The following FBXO42 variants were observed in gnomAD, a reference collection of about 807,000 sequenced individuals.
The protein encoded by FBXO42 is F-box protein 42.
Under a neutral mutation model 71.7 loss-of-function variants are expected in FBXO42, and 12 were observed. The observed-to-expected ratio is 0.17, with a 90% CI of 0.11 to 0.27. FBXO42 has a LOEUF of 0.27. Ranked by LOEUF, FBXO42 falls within the 10% of genes least tolerant of loss-of-function variation. The pLI is 1.00. For synonymous variants in FBXO42, 325 were observed against 327.5 expected (o/e 0.99, Z 0.08); for missense variants, 707 against 911.9 (o/e 0.78, Z 2.89).
chr1:16,329,162 CA>C (rs1221377687), intron 1 of FBXO42, among the ~76,000 whole-genome samples: 14,812 of 60,272 alleles, frequency 0.25, 702 homozygotes, highest in African/African-American at 0.29. Flanking sequence ...GACTCTGTCT[CA>C]AAAAAAAAAA....
At chr1:16,261,186 T>C (rs2081707550) in intron 4 of FBXO42, among the ~76,000 whole-genome samples, 2 of 152,188 alleles carry the variant, frequency 1.3e-5, no homozygotes, top group African/African-American at 4.8e-5. Flanking sequence ...GAGAAGTAAA[T>C]TAAACAGAAG....
intron 1 of FBXO42, among the ~76,000 whole-genome samples, chr1:16,341,800 C>T (rs558495508): frequency 2.0e-5 from 3 of 149,362 alleles, no homozygotes; most frequent in Admixed American, 6.8e-5. Flanking sequence ...GAGAAAACCC[C>T]GTCTCTACTA....
chr1:16,310,709 T>C (rs1304515510), intron 2 of FBXO42, among the ~76,000 whole-genome samples: 1 of 151,978 alleles, frequency 6.6e-6, no homozygotes, highest in Non-Finnish European at 1.5e-5. Context: ...CTCAACAATA[T>C]TAGGGCCAGG....
At chr1:16,352,137 C>A (rs987956284) in intron 1 of FBXO42, 118 bp downstream of exon 1, 1 of 386,260 alleles carries the variant, frequency 2.6e-6, no homozygotes, top group East Asian at 3.7e-5. Context: ...CCGACCCCCG[C>A]GTGGGATACG....
intron 4 of FBXO42, among the ~76,000 whole-genome samples, chr1:16,262,123 C>T (rs916591965): frequency 1.3e-5 from 2 of 152,046 alleles, no homozygotes; most frequent in Non-Finnish European, 2.9e-5. Flanking sequence ...ATTGTGAAGC[C>T]TTTATAAAGA....
chr1:16,317,625 A>ACAAC (rs2082379966), intron 1 of FBXO42, among the ~76,000 whole-genome samples: 3 of 151,778 alleles, frequency 2.0e-5, no homozygotes, highest in Admixed American at 1.3e-4. Flanking sequence ...AAACAAACAA[A>ACAAC]CAGAAGACAG....
chr1:16,326,840 A>G (rs2082456517), intron 1 of FBXO42, among the ~76,000 whole-genome samples: 1 of 152,190 alleles, frequency 6.6e-6, no homozygotes, highest in Non-Finnish European at 1.5e-5. Flanking sequence ...AAACATGGAG[A>G]TGAGCTACAT....
chr1:16,284,931 T>C (rs1421596201), intron 4 of FBXO42, among the ~76,000 whole-genome samples: 1 of 151,530 alleles, frequency 6.6e-6, no homozygotes, highest in African/African-American at 2.4e-5. Context: ...ATTGCACCAC[T>C]GAACTCCAGC....
At position 16,305,928 on chromosome 1, in the gene FBXO42, G is replaced by C; in HGVS notation, c.251-9C>G. ...ACACTGATGGGCTACACCTAAGACA[G>C]AAAGAGCAAACCCTTCAGTCCAGAC... On this transcript the variant is annotated splice_polypyrimidine_tract_variant and intron_variant, in intron 2 of 9. Coordinates refer to ENST00000375592, the MANE Select transcript of FBXO42 (RefSeq NM_018994.3). The C allele has an allele frequency of 1.9e-6, 3 of 1,591,196 alleles. No homozygotes were observed. Among genetic ancestry groups the C allele is most frequent in the Non-Finnish European group, 2.6e-6 (3 of 1,159,412 alleles).
chr1:16,305,807 C>A lies in FBXO42; in HGVS notation c.363G>T (p.Ser121=), dbSNP rs200961361. The change falls in exon 3 of 10, where the codon TCG becomes TCT. Residue 121 remains serine (S), a synonymous_variant. Transcript: ENST00000375592. ...GCTTTCACAGTAAATACTTACTGTGCGAGAAGCGCTGAGTGATTGGGGTTC... is the reference window on the plus strand; with the variant it reads ...GCTTTCACAGTAAATACTTACTGTGAGAGAAGCGCTGAGTGATTGGGGTTC... ...YPGTPITQRF[S]HSACYYDANQ... is the part of the protein sequence containing the mutation. 4.3e-6 allele frequency: 7 copies of A among 1,612,740 alleles called. No individual in the cohort carries two copies. Among genetic ancestry groups the A allele is most frequent in the Non-Finnish European group, 5.9e-6 (7 of 1,178,860 alleles).
chr1:16,290,681 CAA>C (rs34993877), intron 4 of FBXO42, among the ~76,000 whole-genome samples: 28,600 of 146,660 alleles, frequency 0.2, 3,100 homozygotes, highest in Non-Finnish European at 0.25. Flanking sequence ...GACAGAGTGA[CAA>C]AAAAAAAAAA....
intron 1 of FBXO42, among the ~76,000 whole-genome samples, chr1:16,331,450 A>T (rs1032213862): frequency 1.4e-5 from 2 of 142,252 alleles, no homozygotes; most frequent in African/African-American, 5.1e-5. Flanking sequence ...TAATAATAAT[A>T]ATTTAATTAA....
chr1:16,255,324 T>A (rs1239122038), intron 6 of FBXO42, among the ~76,000 whole-genome samples: 1 of 150,052 alleles, frequency 6.7e-6, no homozygotes, highest in Non-Finnish European at 1.5e-5. Context: ...TCAGGAATAC[T>A]GACCCTAACT....
intron 4 of FBXO42, among the ~76,000 whole-genome samples, chr1:16,269,941 C>T (rs192664855): frequency 1.1e-3 from 167 of 152,244 alleles, no homozygotes; most frequent in African/African-American, 3.9e-3. Context: ...CTGCAACCTC[C>T]GCCTCCCAGG....
At chr1:16,274,597 T>G (rs2081879993) in intron 4 of FBXO42, among the ~76,000 whole-genome samples, 1 of 113,078 alleles carries the variant, frequency 8.8e-6, no homozygotes, top group South Asian at 3.5e-4. Context: ...CGTTTTTTTT[T>G]TTTTTTTTTT....
intron 1 of FBXO42, among the ~76,000 whole-genome samples, chr1:16,338,152 G>A (rs957373190): frequency 1.3e-5 from 2 of 151,322 alleles, no homozygotes; most frequent in African/African-American, 2.4e-5. Context: ...CCAGCTACTC[G>A]GGAGGCTGAG....
intron 3 of FBXO42, among the ~76,000 whole-genome samples, chr1:16,301,805 T>C (rs2082198311): frequency 6.6e-6 from 1 of 151,998 alleles, no homozygotes; most frequent in Non-Finnish European, 1.5e-5. Context: ...GCTTAAAATA[T>C]ATACATATAT....
At chr1:16,294,578 C>A in intron 4 of FBXO42, 1 of 551,734 alleles carries the variant, frequency 1.8e-6, no homozygotes, top group Non-Finnish European at 3.1e-6. Context: ...TGGCAGGGCA[C>A]CATTACTAAT....
At chr1:16,324,142 T>C (rs1410484587) in intron 1 of FBXO42, among the ~76,000 whole-genome samples, 4 of 152,074 alleles carry the variant, frequency 2.6e-5, no homozygotes, top group Non-Finnish European at 5.9e-5. Context: ...GAAAAAGTTA[T>C]AGAAAGTAGA....
Sources: gnomAD v4.1 joint callset for allele counts (sites outside exome capture counted in the v4.1 genomes callset) on GRCh38, gnomAD v4.1.1 for gene constraint, MANE v1.5 for transcripts, NCBI Gene and HGNC (gene_info 2026-07-23, HGNC 2026-07-21) for gene names.